ATAD5: variants seen among roughly 807,000 people sequenced by gnomAD.
ATAD5 encodes the protein ATPase family AAA domain-containing protein 5.
A neutral mutation model predicts 176.9 loss-of-function variants in ATAD5; 58 were observed. The ratio of observed to expected loss-of-function variants is 0.33; its 90% CI spans 0.27 to 0.41. The LOEUF is 0.41. Ranked by LOEUF, ATAD5 falls within the 10% of genes least tolerant of loss-of-function variation. ATAD5 has a pLI of 1.00. For missense variants in ATAD5, 1,789 were observed against 2,094.1 expected, an observed-to-expected ratio of 0.85 and a Z score of 2.84; for synonymous variants, 640 against 712.6, an observed-to-expected ratio of 0.90 and a Z score of 1.62.
At chr17:30,846,043 C>CT (rs1440967120) in intron 6 of ATAD5, among the ~76,000 whole-genome samples, 1 of 152,184 alleles carries the variant, frequency 6.6e-6, no homozygotes, top group Non-Finnish European at 1.5e-5. Context: ...GCACACATAT[C>CT]TTAAGTATGC....
intron 10 of ATAD5, chr17:30,865,070 G>T (rs1597978146): frequency 6.7e-6 from 1 of 149,718 alleles, no homozygotes. Flanking sequence ...TGTCTTTTTG[G>T]TAGAACAGTT....
chr17:30,891,089 ATAT>A (rs1025014642), intron 19 of ATAD5, among the ~76,000 whole-genome samples: 12 of 152,150 alleles, frequency 7.9e-5, no homozygotes, highest in African/African-American at 2.9e-4. Context: ...AATGTCTGTA[ATAT>A]TGATGGAGAG....
rs187089275 is a variant in ATAD5 at position 30,844,352 on chromosome 17, C to G, written c.2368+313C>G. ...TTCACCATGTTAGCCAGGCTGGTCT[C>G]GAACTCCTGACCTTGTGATCTGCCT... is the stretch of plus-strand genomic sequence containing the variant. On this transcript the variant is annotated intron_variant, in intron 5 of 22. Coordinates refer to ENST00000321990, the MANE Select transcript of ATAD5 (RefSeq NM_024857.5). Among the ~76,000 whole-genome samples the G allele has an allele frequency of 2.6e-5, 4 of 152,008 alleles. No individual in the cohort carries two copies. In the East Asian group the frequency reaches 5.8e-4, roughly 22 times the overall value.
At chr17:30,854,610 G>C (rs1907184426) in intron 6 of ATAD5, among the ~76,000 whole-genome samples, 1 of 151,802 alleles carries the variant, frequency 6.6e-6, no homozygotes. Context: ...GACCTCAGGT[G>C]ATCCACCCTC....
intron 6 of ATAD5, among the ~76,000 whole-genome samples, chr17:30,845,354 A>G (rs1226182497): frequency 6.6e-6 from 1 of 152,160 alleles, no homozygotes; most frequent in Non-Finnish European, 1.5e-5. Context: ...AAGGAGAGGT[A>G]TAATTCATAT....
intron 14 of ATAD5, among the ~76,000 whole-genome samples, chr17:30,875,658 G>A (rs572434791): frequency 1.5e-4 from 23 of 151,932 alleles, no homozygotes; most frequent in Non-Finnish European, 3.2e-4. Context: ...TTAGCCAGGC[G>A]TGGTGGTGTG....
intron 6 of ATAD5, among the ~76,000 whole-genome samples, chr17:30,851,988 C>A (rs1369674847): frequency 6.6e-6 from 1 of 152,178 alleles, no homozygotes. Context: ...GGCCAAATGC[C>A]AAAATCTTGT....
chr17:30,874,241 A>G (rs1908517319), intron 14 of ATAD5, among the ~76,000 whole-genome samples: 1 of 150,990 alleles, frequency 6.6e-6, no homozygotes, highest in Admixed American at 6.6e-5. Flanking sequence ...CTATATCAAA[A>G]TAAGAAAAAT....
chr17:30,842,126 G>A (rs1906157235), intron 4 of ATAD5, among the ~76,000 whole-genome samples: 1 of 151,856 alleles, frequency 6.6e-6, no homozygotes, highest in South Asian at 2.1e-4. Context: ...AACATTAGCC[G>A]GGCATGGTGG....
At chr17:30,872,185 G>C (rs1567693787) in intron 14 of ATAD5, among the ~76,000 whole-genome samples, 2 of 152,064 alleles carry the variant, frequency 1.3e-5, no homozygotes, top group Admixed American at 6.6e-5. Context: ...GTAGTGCTAG[G>C]ATTACAAGTG....
At chr17:30,885,114 G>C (rs904984119) in intron 18 of ATAD5, among the ~76,000 whole-genome samples, 1 of 152,056 alleles carries the variant, frequency 6.6e-6, no homozygotes. Context: ...CTTTGTCGTT[G>C]CTAAATTCTC....
chr17:30,863,953 C>T (rs1376022516), intron 10 of ATAD5: 1 of 151,956 alleles, frequency 6.6e-6, no homozygotes, highest in East Asian at 1.9e-4. Flanking sequence ...ATGTGAACCA[C>T]CGAGCCCGGC....
chr17:30,866,430 A>G (rs1482491037), intron 11 of ATAD5, among the ~76,000 whole-genome samples: 1 of 150,208 alleles, frequency 6.7e-6, no homozygotes, highest in Non-Finnish European at 1.5e-5. Flanking sequence ...TCCTGACCTC[A>G]GGTGGTCCAC....
At chr17:30,842,794 G>C (rs1906209711) in intron 4 of ATAD5, among the ~76,000 whole-genome samples, 1 of 152,136 alleles carries the variant, frequency 6.6e-6, no homozygotes, top group African/African-American at 2.4e-5. Context: ...GCCCAGGCTA[G>C]AGTTAATGGC....
At position 30,848,893 on chromosome 17, in the gene ATAD5, CAG is replaced by C. The variant is rs200972061; in HGVS notation, c.2450+3980_2450+3981del. On this transcript the variant is annotated intron_variant, in intron 6 of 22. Transcript: ENST00000321990. ...TTTCTTTTCTTTTTTTGTTTTGAGA[CAG>C]AGTCTCGCTCTGTCGCCCAGACTGG... is the stretch of plus-strand genomic sequence containing the variant. Among the ~76,000 whole-genome samples, 101 of 152,092 alleles carry C rather than the reference CAG, an allele frequency of 6.6e-4. No individual in the cohort carries two copies. In the East Asian group the frequency reaches 0.018, roughly 27 times the overall value.
intron 10 of ATAD5, among the ~76,000 whole-genome samples, chr17:30,865,391 A>C (rs944547535): frequency 9.2e-5 from 14 of 151,914 alleles, no homozygotes; most frequent in African/African-American, 1.9e-4. Flanking sequence ...CCAGGATGGT[A>C]TCGATCTCCT....
At position 30,844,931 on chromosome 17, in the gene ATAD5, A is replaced by G. The variant is rs376189601; in HGVS notation, c.2450+15A>G. 3.2e-6 allele frequency: 5 copies of G among 1,560,930 alleles called. No homozygotes were observed. In the East Asian group the frequency reaches 9.1e-5, roughly 28 times the overall value. ...GATGAAAGCAGGTCAGTCCAATACA[A>G]ATTTTTAAATGCCAAAATATTTTAT... On this transcript the variant is annotated intron_variant, in intron 6 of 22. Transcript: ENST00000321990.
At chr17:30,844,119 GTATTTATT>G (rs376234876) in intron 5 of ATAD5, 80 bp downstream of exon 5, 5 of 1,149,044 alleles carry the variant, frequency 4.4e-6, no homozygotes, top group Admixed American at 3.0e-5. Context: ...GTGTTCTGGG[GTATTTATT>G]TATTTATTTA....
chr17:30,893,283 T>C lies in ATAD5; in HGVS notation c.4441-11T>C. The stretch of plus-strand genomic sequence containing the variant: ...TGCTGTAACATTTCTTTACTCAAAA[T>C]TGTTTTTCAGCACAAAATCACAATG... On this transcript the variant is annotated splice_polypyrimidine_tract_variant and intron_variant, in intron 20 of 22. Coordinates refer to ENST00000321990, the MANE Select transcript of ATAD5 (RefSeq NM_024857.5). The C allele has an allele frequency of 1.3e-6, 2 of 1,553,242 alleles. No homozygotes were observed. The highest frequency in any genetic ancestry group is 1.7e-6 in the Non-Finnish European group (2 of 1,153,402).
Sources: allele counts gnomAD v4.1 joint callset (sites outside exome capture counted in the v4.1 genomes callset), GRCh38; gene constraint gnomAD v4.1.1; transcripts MANE v1.5; gene names NCBI Gene and HGNC (gene_info 2026-07-23, HGNC 2026-07-21).